The following ORC5 variants were observed in gnomAD, a reference collection of about 807,000 sequenced individuals.
ORC5 encodes protein phosphatase 1, regulatory subunit 117.
In ORC5, 39 loss-of-function variants were observed where a neutral mutation model predicts 58.8. The ratio of observed to expected loss-of-function variants is 0.66; its 90% CI spans 0.51 to 0.87. ORC5 has a LOEUF of 0.87. ORC5 is among the 40% of genes least tolerant of loss of function. ORC5 has a pLI of 0.00. For missense variants in ORC5, 493 were observed against 506.3 expected, an observed-to-expected ratio of 0.97 and a Z score of 0.25; for synonymous variants, 218 against 177.6, an observed-to-expected ratio of 1.23 and a Z score of -1.81.
rs150487592 is a variant in ORC5, at chr7:104,172,916, A to G, written c.825-4391T>C. ...TTTATTTTAAAATCAAATTTTCATT[A>G]TATCATTCAAATATCTAGCATAAAT... On this transcript the variant is annotated intron_variant, in intron 8 of 13. Transcript: ENST00000297431. 1.9e-3 allele frequency among the ~76,000 whole-genome samples: 287 copies of G among 151,888 alleles called. 3 individuals are homozygous for G. The East Asian group carries it at 0.046, about 24-fold the overall frequency.
rs543317601 is a variant in ORC5 at position 104,198,369 on chromosome 7, T to A, written c.367-570A>T. On this transcript the variant is annotated intron_variant, in intron 3 of 13. Coordinates refer to ENST00000297431, the MANE Select transcript of ORC5 (RefSeq NM_002553.4). ...ATGGACAATGAAGTACAGACTGAGG[T>A]GGTCATAGATGGACATGAGGAACTA... 2.6e-4 allele frequency among the ~76,000 whole-genome samples: 39 copies of A among 152,248 alleles called. 1 individual carries two copies. The highest frequency in any genetic ancestry group is 1.9e-3 in the South Asian group (9 of 4,822).
At chr7:104,185,539 T>C (rs1799526357) in intron 6 of ORC5, among the ~76,000 whole-genome samples, 1 of 152,190 alleles carries the variant, frequency 6.6e-6, no homozygotes, top group African/African-American at 2.4e-5. Context: ...GTATTTGGAT[T>C]GGCAGCACTA....
At chr7:104,200,991 G>A (rs1204207102) in intron 2 of ORC5, 33 bp from the exon 3 acceptor site, 3 of 1,547,678 alleles carry the variant, frequency 1.9e-6, no homozygotes, top group Non-Finnish European at 2.7e-6. Context: ...TGTAAGTAAA[G>A]AAGAAAACAC....
intron 12 of ORC5, among the ~76,000 whole-genome samples, chr7:104,146,820 A>T (rs1798760036): frequency 6.6e-6 from 1 of 152,164 alleles, no homozygotes; most frequent in South Asian, 2.1e-4. Flanking sequence ...GAAGTAGGGA[A>T]ATCTGAATGA....
At chr7:104,202,845 T>G (rs1366766191) in intron 2 of ORC5, among the ~76,000 whole-genome samples, 1 of 152,206 alleles carries the variant, frequency 6.6e-6, no homozygotes, top group Non-Finnish European at 1.5e-5. Context: ...CTTAATAAGC[T>G]GAAATCCACA....
chr7:104,163,358 C>T (rs920411226), intron 11 of ORC5, among the ~76,000 whole-genome samples: 4 of 152,164 alleles, frequency 2.6e-5, no homozygotes, highest in Admixed American at 6.5e-5. Flanking sequence ...TTAGTGGCAA[C>T]TTCAGAGGCC....
chr7:104,205,084 C>CTATTTTTT lies in ORC5; in HGVS notation c.73-851_73-850insAAAAAATA, dbSNP rs769195880. 1.6e-3 allele frequency among the ~76,000 whole-genome samples: 165 copies of CTATTTTTT among 102,354 alleles called. 4 individuals are homozygous for CTATTTTTT. The highest frequency in any genetic ancestry group is 5.4e-3 in the African/African-American group (157 of 29,304). The allele number at this position is 102,354 out of a possible 152,430, so 67.1% of individuals were successfully genotyped here. ...GGGAAAACTTGATTTTTTAATAATA[C>CTATTTTTT]TCTTTTTTTTTTTTTTTTTTTTTGA... On this transcript the variant is annotated intron_variant, in intron 1 of 13. Transcript: ENST00000297431.
intron 5 of ORC5, among the ~76,000 whole-genome samples, chr7:104,190,323 A>T (rs1270290184): frequency 1.3e-5 from 2 of 152,176 alleles, no homozygotes; most frequent in Non-Finnish European, 2.9e-5. Context: ...GATAGTACAT[A>T]AACTGCCAAC....
At chr7:104,147,245 A>G (rs1798771853) in intron 12 of ORC5, among the ~76,000 whole-genome samples, 2 of 152,144 alleles carry the variant, frequency 1.3e-5, no homozygotes, top group African/African-American at 4.8e-5. Flanking sequence ...TACTGGTTTC[A>G]TGCTGTGAGT....
At chr7:104,147,271 C>G (rs1798772494) in intron 12 of ORC5, among the ~76,000 whole-genome samples, 1 of 152,066 alleles carries the variant, frequency 6.6e-6, no homozygotes, top group African/African-American at 2.4e-5. Context: ...AAGGTCCTTA[C>G]AAATTTGCCA....
Position 104,126,840 on chromosome 7 carries a change from G to A in ORC5, c.*8C>T. 1 of 1,601,940 alleles carries A rather than the reference G, an allele frequency of 6.2e-7. No individual in the cohort carries two copies. The highest frequency in any genetic ancestry group is 8.5e-7 in the Non-Finnish European group (1 of 1,171,548). On this transcript the variant is annotated 3_prime_UTR_variant, in exon 14 of 14. Coordinates refer to ENST00000297431, the MANE Select transcript of ORC5 (RefSeq NM_002553.4). ...GTCACAGTGTCCATATGGCTTTGAAGCTTGTTTTCACAAGAAATCATACAA... is the reference window on the plus strand; with the variant it reads ...GTCACAGTGTCCATATGGCTTTGAAACTTGTTTTCACAAGAAATCATACAA...
chr7:104,190,475 C>T (rs1035881358), intron 5 of ORC5, among the ~76,000 whole-genome samples: 1 of 152,064 alleles, frequency 6.6e-6, no homozygotes, highest in African/African-American at 2.4e-5. Context: ...GATATCTTTA[C>T]TCTACTTCTA....
chr7:104,137,912 C>G (rs2115756859), intron 12 of ORC5, among the ~76,000 whole-genome samples: 1 of 152,322 alleles, frequency 6.6e-6, no homozygotes, highest in African/African-American at 2.4e-5. Context: ...CTCTCTCCTT[C>G]CAATAAGGCA....
chr7:104,161,397 C>G (rs1419630759), intron 11 of ORC5, among the ~76,000 whole-genome samples: 1 of 152,126 alleles, frequency 6.6e-6, no homozygotes, highest in Non-Finnish European at 1.5e-5. Context: ...ACAAGGTCCG[C>G]TGTCACCCAG....
At position 104,195,329 on chromosome 7, in the gene ORC5, T is replaced by C. The variant is rs1584521311; in HGVS notation, c.442-75A>G. On this transcript the variant is annotated intron_variant, in intron 4 of 13. Coordinates refer to ENST00000297431, the MANE Select transcript of ORC5 (RefSeq NM_002553.4). ...GGAGCAGTATTTCCATTTGGATTTT[T>C]CTTTCAAATACATCCCCCCAGAGTT... The C allele has an allele frequency of 4.0e-6, 3 of 748,242 alleles. No individual in the cohort carries two copies. The East Asian group carries it at 9.0e-5, about 22-fold the overall frequency. The allele number at this position is 748,242 out of a possible 1,614,324, so 46.4% of individuals were successfully genotyped here.
intron 11 of ORC5, among the ~76,000 whole-genome samples, chr7:104,162,004 T>A (rs944934793): frequency 3.3e-5 from 5 of 152,140 alleles, no homozygotes; most frequent in African/African-American, 1.2e-4. Context: ...AAATATTTTA[T>A]AAAGTAAATA....
chr7:104,201,614 A>T (rs1226602082), intron 2 of ORC5, among the ~76,000 whole-genome samples: 3 of 147,672 alleles, frequency 2.0e-5, no homozygotes, highest in African/African-American at 7.6e-5. Flanking sequence ...ACATAGCGAG[A>T]CCCTGTCACT....
Position 104,133,383 on chromosome 7 carries a change from GA to G in ORC5, c.1262+3397del, listed in dbSNP as rs1408865162. On this transcript the variant is annotated intron_variant, in intron 13 of 13. Transcript: ENST00000297431. The surrounding 1 kb of genome is among the most constrained non-coding windows in gnomAD (Gnocchi z 4.7). Reference sequence around the variant, plus strand: ...AATAGGACTAATGGTTAAATATTAGGAGTGGGGGAGAGAGAGATGTCAAGAA... The same window carrying G: ...AATAGGACTAATGGTTAAATATTAGGGTGGGGGAGAGAGAGATGTCAAGAA... Among the ~76,000 whole-genome samples the G allele has an allele frequency of 2.0e-5, 3 of 152,110 alleles. No individual in the cohort carries two copies. The highest frequency in any genetic ancestry group is 4.4e-5 in the Non-Finnish European group (3 of 68,034).
At chr7:104,152,790 T>A (rs73713302) in intron 12 of ORC5, among the ~76,000 whole-genome samples, 3,359 of 152,268 alleles carry the variant, frequency 0.022, 120 homozygotes, top group African/African-American at 0.076. Flanking sequence ...TTGAGAAAGG[T>A]AGTTATAAAA....
Sources: gnomAD v4.1 joint callset for allele counts (sites outside exome capture counted in the v4.1 genomes callset) on GRCh38, gnomAD v4.1.1 for gene constraint, Gnocchi (gnomAD v3.1) non-coding constraint, MANE v1.5 for transcripts, NCBI Gene and HGNC (gene_info 2026-07-23, HGNC 2026-07-21) for gene names.